The following SNX2 variants were observed in gnomAD, a reference collection of about 807,000 sequenced individuals.
SNX2 encodes sorting nexin 2.
SNX2 carries 25 observed loss-of-function variants against 69.9 expected under a neutral mutation model. The ratio of observed to expected loss-of-function variants is 0.36; its 90% confidence interval spans 0.26 to 0.50. The LOEUF (loss-of-function observed/expected upper bound fraction) is 0.50, where lower values mean the gene tolerates loss of function less well. Ranked by LOEUF, SNX2 falls within the 20% of genes least tolerant of loss-of-function variation. The pLI, the probability that SNX2 is intolerant of heterozygous loss-of-function variation, is 0.97. For missense variants in SNX2, 551 were observed against 613.3 expected, an observed-to-expected ratio of 0.90 and a Z score of 1.07; for synonymous variants, 229 against 200.4, an observed-to-expected ratio of 1.14 and a Z score of -1.20.
chr5:122,829,722 A>C lies in SNX2; in HGVS notation c.*74A>C. 8.3e-7 allele frequency: 1 copy of C among 1,198,514 alleles called. No individual in the cohort carries two copies. Among genetic ancestry groups the C allele is most frequent in the Admixed American group, 1.7e-5 (1 of 58,276 alleles). The allele number at this position is 1,198,514 out of a possible 1,614,324, so 74.2% of individuals were successfully genotyped here. On this transcript the variant is annotated 3_prime_UTR_variant, in exon 15 of 15. Coordinates refer to ENST00000379516, the MANE Select transcript of SNX2 (RefSeq NM_003100.4). ...GCTGGATTCCACAGTGAAATCATTT[A>C]AAACCATCTAAATAAACCACTATAT...
chr5:122,818,885 T>A lies in SNX2; in HGVS notation c.1074T>A (p.Thr358=), dbSNP rs1181638073. Residue 358 remains threonine (T), a synonymous_variant, in exon 11 of 15, where the codon ACT becomes ACA. Coordinates refer to ENST00000379516, the MANE Select transcript of SNX2 (RefSeq NM_003100.4). ...TGTTAGGTAATTCTGAGGATCATACTGCTTTATCTAGAGCTTTGTCTCAGC... is the reference window on the plus strand; with the variant it reads ...TGTTAGGTAATTCTGAGGATCATACAGCTTTATCTAGAGCTTTGTCTCAGC... ...AAMLGNSEDH[T]ALSRALSQLA... 5.6e-6 allele frequency: 9 copies of A among 1,613,896 alleles called. No individual in the cohort carries two copies. Among genetic ancestry groups the A allele is most frequent in the Non-Finnish European group, 7.6e-6 (9 of 1,179,920 alleles).
At chr5:122,799,625 C>T in intron 2 of SNX2, 67 bp from the exon 3 acceptor site, 2 of 977,206 alleles carry the variant, frequency 2.0e-6, no homozygotes, top group East Asian at 2.8e-5. Flanking sequence ...AATCCATTAA[C>T]TGCTATGTAG....
At chr5:122,783,234 C>T (rs778483277) in intron 1 of SNX2, among the ~76,000 whole-genome samples, 3 of 152,118 alleles carry the variant, frequency 2.0e-5, no homozygotes, top group Non-Finnish European at 2.9e-5. Flanking sequence ...CGTGAGCCAC[C>T]GCGCCTGCCC....
chr5:122,779,986 A>C (rs1752935202), intron 1 of SNX2, among the ~76,000 whole-genome samples: 1 of 152,220 alleles, frequency 6.6e-6, no homozygotes, highest in African/African-American at 2.4e-5. Flanking sequence ...GCAAATAATA[A>C]AGGAGAAAAG....
Position 122,829,773 on chromosome 5 carries a change from TATACACACACACACAC to T in SNX2, c.*127_*142del. On this transcript the variant is annotated 3_prime_UTR_variant, in exon 15 of 15. Transcript: ENST00000379516. ...ATTTTATGAATTACATGTGGTTTTA[TATACACACACACACAC>T]ACACACACACACACACACACACTCT... 1.6e-6 allele frequency: 1 copy of T among 608,836 alleles called. No homozygotes were observed. Among genetic ancestry groups the T allele is most frequent in the East Asian group, 3.0e-5 (1 of 33,406 alleles). 37.7% of individuals were successfully genotyped at this position (608,836 alleles called of 1,614,324 possible).
At chr5:122,775,389 G>A in intron 1 of SNX2, 178 bp downstream of exon 1, 1 of 1,313,180 alleles carries the variant, frequency 7.6e-7, no homozygotes, top group Non-Finnish European at 9.7e-7. Context: ...CTGAGCGCAG[G>A]GCCTCCTCAG....
At chr5:122,784,356 G>GC (rs1178327496) in intron 1 of SNX2, among the ~76,000 whole-genome samples, 3 of 151,114 alleles carry the variant, frequency 2.0e-5, no homozygotes, top group South Asian at 2.1e-4. Flanking sequence ...TTTTTAATGA[G>GC]CTTAATCAAA....
At chr5:122,789,979 A>G (rs900924295) in intron 1 of SNX2, among the ~76,000 whole-genome samples, 3 of 152,246 alleles carry the variant, frequency 2.0e-5, no homozygotes, top group Admixed American at 2.0e-4. Flanking sequence ...AGCAACTTAA[A>G]ATAATAAACA....
intron 12 of SNX2, chr5:122,826,664 A>G (rs1339710775): frequency 1.0e-6 from 1 of 972,568 alleles, no homozygotes; most frequent in African/African-American, 1.8e-5. Context: ...GACAACCTTT[A>G]TGTTACTAAA....
intron 12 of SNX2, 137 bp from the exon 13 acceptor site, chr5:122,827,242 G>T (rs546114825): frequency 1.5e-6 from 1 of 657,916 alleles, no homozygotes; most frequent in Non-Finnish European, 2.6e-6. Context: ...TGCAATTTCT[G>T]TTGATGCTAA....
At chr5:122,794,995 C>T (rs771140180) in intron 1 of SNX2, among the ~76,000 whole-genome samples, 1 of 152,056 alleles carries the variant, frequency 6.6e-6, no homozygotes, top group South Asian at 2.1e-4. Context: ...TACACTCCAG[C>T]CTGGGCCATA....
intron 7 of SNX2, among the ~76,000 whole-genome samples, chr5:122,809,775 G>A (rs1331194960): frequency 6.6e-6 from 1 of 151,880 alleles, no homozygotes; most frequent in African/African-American, 2.4e-5. Context: ...CAAGAAAAAT[G>A]GTACAGTGAA....
In SNX2 at chr5:122,817,313, C is replaced by A; in HGVS notation, c.946C>A (p.Leu316Met). ...FEEKQQQFEN[L>M]DQQLRKLHVS... ...AGAAAAGCAGCAGCAATTTGAGAAT[C>A]TGGATCAGCAACTTAGGAAACTTCA... Residue 316 changes from leucine (L) to methionine (M), a missense_variant, in exon 10 of 15, where the codon CTG (leucine) becomes ATG (methionine). Physicochemically the swap from Leu to Met is conservative, Grantham distance 15. This residue lies in a region of SNX2 where 360 missense variants were observed against 450.4 expected (regional missense o/e 0.80). Coordinates refer to ENST00000379516, the MANE Select transcript of SNX2 (RefSeq NM_003100.4). 5 of 1,613,914 alleles carry A rather than the reference C, an allele frequency of 3.1e-6. No homozygotes were observed. The South Asian group carries it at 5.5e-5, about 18-fold the overall frequency.
At chr5:122,788,359 T>C (rs1248826857) in intron 1 of SNX2, among the ~76,000 whole-genome samples, 2 of 152,188 alleles carry the variant, frequency 1.3e-5, no homozygotes, top group Non-Finnish European at 2.9e-5. Context: ...GTAGGCATAG[T>C]ATTCTTTGAT....
In SNX2 at chr5:122,801,954, T is replaced by C; in HGVS notation, c.457+19T>C. The C allele has an allele frequency of 6.4e-7, 1 of 1,569,326 alleles. No homozygotes were observed. The highest frequency in any genetic ancestry group is 8.7e-7 in the Non-Finnish European group (1 of 1,142,986). On this transcript the variant is annotated intron_variant, in intron 4 of 14. Transcript: ENST00000379516. ...AAAGTTGGTGAGTCAATACTTATTA[T>C]ATTTTGTATTTACTTTTTATTAGTT...
intron 11 of SNX2, among the ~76,000 whole-genome samples, chr5:122,823,782 G>A (rs1164554025): frequency 9.2e-5 from 2 of 21,660 alleles, no homozygotes; most frequent in Non-Finnish European, 1.6e-4. Flanking sequence ...ATGTGGTCGT[G>A]TGTGTGTGTG....
At chr5:122,805,136 C>CA (rs1471724499) in intron 6 of SNX2, among the ~76,000 whole-genome samples, 2 of 151,618 alleles carry the variant, frequency 1.3e-5, no homozygotes, top group East Asian at 3.9e-4. Flanking sequence ...TACAAAAATA[C>CA]AAAAATTAGC....
intron 1 of SNX2, among the ~76,000 whole-genome samples, chr5:122,777,726 C>T (rs1183765226): frequency 1.3e-5 from 2 of 152,132 alleles, no homozygotes; most frequent in African/African-American, 4.8e-5. Flanking sequence ...ACATAATGTA[C>T]ATACTTATGG....
intron 2 of SNX2, among the ~76,000 whole-genome samples, chr5:122,798,102 TG>T (rs1308188504): frequency 7.2e-5 from 11 of 152,202 alleles, no homozygotes; most frequent in Admixed American, 5.2e-4. Flanking sequence ...TTGTTTTGTT[TG>T]GTGCTTGTTG....
Sources: gnomAD v4.1 joint callset for allele counts (sites outside exome capture counted in the v4.1 genomes callset) on GRCh38, gnomAD v4.1.1 for gene constraint, gnomAD v4.1.1 regional missense constraint, MANE v1.5 for transcripts, NCBI Gene and HGNC (gene_info 2026-07-23, HGNC 2026-07-21) for gene names.